The following PRKG1 variants were observed in gnomAD, a reference collection of about 807,000 sequenced individuals.
PRKG1 encodes the protein cGMP-dependent protein kinase 1.
In PRKG1, 35 loss-of-function variants were observed where a neutral mutation model predicts 88.1. The ratio of observed to expected loss-of-function variants is 0.40; its 90% CI spans 0.30 to 0.53. The LOEUF (loss-of-function observed/expected upper bound fraction) is 0.53. Ranked by LOEUF, PRKG1 falls within the 20% of genes least tolerant of loss-of-function variation. PRKG1 has a pLI of 0.59. For missense variants in PRKG1, 540 were observed against 839.8 expected, an observed-to-expected ratio of 0.64 and a Z score of 4.41; for synonymous variants, 303 against 292.5, an observed-to-expected ratio of 1.04 and a Z score of -0.37.
intron 2 of PRKG1, among the ~76,000 whole-genome samples, chr10:51,218,731 T>C (rs555827502): frequency 6.6e-6 from 1 of 151,930 alleles, no homozygotes; most frequent in African/African-American, 2.4e-5. Flanking sequence ...GATAAAGATA[T>C]TATTTCTAGA....
At chr10:51,809,763 A>C (rs1226000672) in intron 4 of PRKG1, among the ~76,000 whole-genome samples, 1 of 152,168 alleles carries the variant, frequency 6.6e-6, no homozygotes, top group Non-Finnish European at 1.5e-5. Context: ...AGATATGCTC[A>C]CGTCATCCCT....
chr10:51,703,097 A>G (rs1841509651), intron 3 of PRKG1, among the ~76,000 whole-genome samples: 1 of 152,218 alleles, frequency 6.6e-6, no homozygotes, highest in African/African-American at 2.4e-5. Flanking sequence ...CTTTATTTTT[A>G]ACAAAGAACA....
intron 13 of PRKG1, among the ~76,000 whole-genome samples, chr10:52,281,854 C>T (rs1229568554): frequency 6.6e-6 from 1 of 152,120 alleles, no homozygotes; most frequent in African/African-American, 2.4e-5. Flanking sequence ...TGTGTTTACA[C>T]TCCAACCTCC....
chr10:51,666,892 T>C (rs992010425), intron 3 of PRKG1, among the ~76,000 whole-genome samples: 6 of 152,090 alleles, frequency 3.9e-5, no homozygotes, highest in African/African-American at 1.4e-4. Flanking sequence ...CATTCAAGGT[T>C]CAAGTGATTT....
chr10:51,212,939 A>G (rs1409474963), intron 2 of PRKG1, among the ~76,000 whole-genome samples: 1 of 152,174 alleles, frequency 6.6e-6, no homozygotes, highest in African/African-American at 2.4e-5. Context: ...TAGAAATACC[A>G]TTTGACCCAG....
At chr10:51,576,406 G>A (rs73341625) in intron 3 of PRKG1, among the ~76,000 whole-genome samples, 1,535 of 151,934 alleles carry the variant, frequency 0.01, 32 homozygotes, top group African/African-American at 0.034. Context: ...TAAAAGGATT[G>A]ATATACATAC....
intron 4 of PRKG1, among the ~76,000 whole-genome samples, chr10:51,881,471 T>A (rs1841436465): frequency 6.6e-6 from 1 of 152,180 alleles, no homozygotes; most frequent in African/African-American, 2.4e-5. Context: ...AGCAGGAAAC[T>A]GGCTTCTTCC....
intron 5 of PRKG1, among the ~76,000 whole-genome samples, chr10:51,949,724 G>T: frequency 6.6e-6 from 1 of 152,084 alleles, no homozygotes; most frequent in South Asian, 2.1e-4. Context: ...AATGTCCCTT[G>T]TTTAATCAAG....
At chr10:52,270,134 T>C in intron 10 of PRKG1, among the ~76,000 whole-genome samples, 1 of 152,098 alleles carries the variant, frequency 6.6e-6, no homozygotes, top group East Asian at 1.9e-4. Context: ...AAGAAATGAA[T>C]ACAGTCAGTA....
chr10:51,979,249 T>C (rs1480947532), intron 5 of PRKG1, among the ~76,000 whole-genome samples: 2 of 151,960 alleles, frequency 1.3e-5, no homozygotes, highest in Admixed American at 1.3e-4. Flanking sequence ...ATTTATATGA[T>C]GAATCACAGT....
chr10:52,224,613 C>T (rs1269030529), intron 9 of PRKG1, among the ~76,000 whole-genome samples: 2 of 125,642 alleles, frequency 1.6e-5, no homozygotes, highest in Non-Finnish European at 3.4e-5. Flanking sequence ...CTCTTCCCCC[C>T]AAGTCCCCAA....
intron 2 of PRKG1, among the ~76,000 whole-genome samples, chr10:51,201,233 G>T (rs770690641): frequency 1.6e-4 from 24 of 152,208 alleles, no homozygotes; most frequent in Admixed American, 5.9e-4. Flanking sequence ...GGCCGAGGTG[G>T]GTGGATCACC....
At chr10:51,944,157 T>A (rs1156277334) in intron 5 of PRKG1, among the ~76,000 whole-genome samples, 1 of 152,044 alleles carries the variant, frequency 6.6e-6, no homozygotes, top group Non-Finnish European at 1.5e-5. Flanking sequence ...ATTCAGAGAG[T>A]CAACTTCTTC....
intron 2 of PRKG1, among the ~76,000 whole-genome samples, chr10:51,210,025 A>AT (rs1163155423): frequency 6.6e-6 from 1 of 152,056 alleles, no homozygotes; most frequent in African/African-American, 2.4e-5. Flanking sequence ...TCATGCAACA[A>AT]TTTTCTCGCA....
intron 5 of PRKG1, among the ~76,000 whole-genome samples, chr10:52,028,546 G>C (rs975324634): frequency 6.6e-6 from 1 of 152,156 alleles, no homozygotes; most frequent in African/African-American, 2.4e-5. Context: ...GAAGGAAAAG[G>C]TTATATCTCA....
intron 1 of PRKG1, among the ~76,000 whole-genome samples, chr10:51,044,573 T>C (rs1843463912): frequency 6.7e-6 from 1 of 149,834 alleles, no homozygotes; most frequent in Non-Finnish European, 1.5e-5. Flanking sequence ...AGAGGAAATT[T>C]TTTTTTTTAT....
chr10:52,108,268 T>G (rs1380917322), intron 7 of PRKG1, among the ~76,000 whole-genome samples: 1 of 152,232 alleles, frequency 6.6e-6, no homozygotes, highest in African/African-American at 2.4e-5. Flanking sequence ...CATCACACAG[T>G]GAAATTATAC....
chr10:51,860,993 A>G (rs1840858538), intron 4 of PRKG1, among the ~76,000 whole-genome samples: 1 of 152,230 alleles, frequency 6.6e-6, no homozygotes, highest in African/African-American at 2.4e-5. Flanking sequence ...TCATTCATGT[A>G]TCACACATGT....
chr10:51,033,168 T>G (rs1162985786), intron 1 of PRKG1, among the ~76,000 whole-genome samples: 3 of 152,198 alleles, frequency 2.0e-5, no homozygotes, highest in Non-Finnish European at 2.9e-5. Flanking sequence ...CTCAGTCTCC[T>G]ATGTCCAGTT....
Sources: allele counts gnomAD v4.1 joint callset (sites outside exome capture counted in the v4.1 genomes callset), GRCh38; gene constraint gnomAD v4.1.1; transcripts MANE v1.5; gene names NCBI Gene and HGNC (gene_info 2026-07-23, HGNC 2026-07-21).